The following RRAGD variants were observed in gnomAD, a reference collection of about 807,000 sequenced individuals.
RRAGD encodes ras-related GTP-binding protein D.
RRAGD carries 12 observed loss-of-function variants against 35.5 expected under a neutral mutation model. That is an observed-to-expected ratio of 0.34 (90% CI 0.22 to 0.55). RRAGD has a LOEUF of 0.55. Among genes scored for constraint, RRAGD ranks in the 20% least tolerant of loss-of-function variants. The pLI is 0.91. For missense variants in RRAGD, 324 were observed against 490.1 expected (o/e 0.66, Z 3.20); for synonymous variants, 155 against 178.9 (o/e 0.87, Z 1.07).
chr6:89,399,588 A>T (rs774937435), intron 1 of RRAGD, among the ~76,000 whole-genome samples: 1 of 152,150 alleles, frequency 6.6e-6, no homozygotes. Flanking sequence ...CCTGGGCAAC[A>T]TGGCAAAACC....
In RRAGD at chr6:89,411,998, C is replaced by G; in HGVS notation, c.-5G>C. The stretch of plus-strand genomic sequence containing the variant: ...CTTCCCCAGCACCTGGCTCATCGTG[C>G]CCACCGGCCGGCCGGCCCGGGGACG... On this transcript the variant is annotated 5_prime_UTR_variant, in exon 1 of 7. Coordinates refer to ENST00000369415, the MANE Select transcript of RRAGD (RefSeq NM_021244.5). This position sits in a 1 kb window ranked among gnomAD's most constrained non-coding sequence, Gnocchi z 5.6. 1 of 1,526,118 alleles carries G rather than the reference C, an allele frequency of 6.6e-7. No homozygotes were observed. The highest frequency in any genetic ancestry group is 8.8e-7 in the Non-Finnish European group (1 of 1,141,590). The allele number at this position is 1,526,118 out of a possible 1,614,324, so 94.5% of individuals were successfully genotyped here.
At chr6:89,404,115 G>GT (rs1456151062) in intron 1 of RRAGD, among the ~76,000 whole-genome samples, 1 of 152,132 alleles carries the variant, frequency 6.6e-6, no homozygotes, top group Non-Finnish European at 1.5e-5. Flanking sequence ...CTGCCTTTCT[G>GT]TAAAATTTTA....
chr6:89,372,461 T>C lies in RRAGD; in HGVS notation c.1027A>G (p.Arg343Gly), dbSNP rs1362595714. 11 of 1,613,556 alleles carry C rather than the reference T, an allele frequency of 6.8e-6. No individual in the cohort carries two copies. Among genetic ancestry groups the C allele is most frequent in the African/African-American group, 4.0e-5 (3 of 74,876 alleles). ...TKFLALVCFV[R>G]EESFERKGLI... ...CCTTTTCTTTCAAAGCTTTCCTCTC[T>C]GACAAAGCAAACGAGAGCCAGGAAC... is the stretch of plus-strand genomic sequence containing the variant. Residue 343 changes from arginine to glycine, a missense_variant, in exon 6 of 7, where the codon AGA becomes GGA. Physicochemically the swap from Arg to Gly is moderately radical, Grantham distance 125. Transcript: ENST00000369415.
In RRAGD at chr6:89,412,094, G is replaced by T; in HGVS notation, c.-101C>A. ...CAGCCTATTTCTGAAGCGGAGGTTTGTCTAGAGCTCAGCGGGGCCCGGCGG... is the reference window on the plus strand; with the variant it reads ...CAGCCTATTTCTGAAGCGGAGGTTTTTCTAGAGCTCAGCGGGGCCCGGCGG... On this transcript the variant is annotated 5_prime_UTR_variant, in exon 1 of 7. Coordinates refer to ENST00000369415, the MANE Select transcript of RRAGD (RefSeq NM_021244.5). This position sits in a 1 kb window ranked among gnomAD's most constrained non-coding sequence, Gnocchi z 4.2. The T allele has an allele frequency of 8.3e-7, 1 of 1,208,936 alleles. No homozygotes were observed. The highest frequency in any genetic ancestry group is 1.1e-6 in the Non-Finnish European group (1 of 923,944). 74.9% of individuals were successfully genotyped at this position (1,208,936 alleles called of 1,614,324 possible). A position where few individuals can be genotyped will look rare whatever the true frequency, so the allele number is the denominator to read the frequency against.
intron 6 of RRAGD, among the ~76,000 whole-genome samples, chr6:89,369,528 A>G (rs950237004): frequency 6.6e-6 from 1 of 152,186 alleles, no homozygotes; most frequent in African/African-American, 2.4e-5. Context: ...ATCACAGCTC[A>G]TTGCAGTCTC....
intron 1 of RRAGD, among the ~76,000 whole-genome samples, chr6:89,391,172 G>A (rs767573953): frequency 2.0e-5 from 3 of 151,762 alleles, no homozygotes; most frequent in Non-Finnish European, 4.4e-5. Flanking sequence ...GTTGCTTGAG[G>A]CCAGGAGTTC....
chr6:89,380,073 T>C lies in RRAGD; in HGVS notation c.644+95A>G, dbSNP rs1003638483. ...TGAAACAGGGTAAAAAGAAGGTAAATTACTGCCCATGCCAAGCCAATCATG... is the reference window on the plus strand; with the variant it reads ...TGAAACAGGGTAAAAAGAAGGTAAACTACTGCCCATGCCAAGCCAATCATG... On this transcript the variant is annotated intron_variant, in intron 3 of 6. Coordinates refer to ENST00000369415, the MANE Select transcript of RRAGD (RefSeq NM_021244.5). 55 of 1,067,272 alleles carry C rather than the reference T, an allele frequency of 5.2e-5. No individual in the cohort carries two copies. In the South Asian group the frequency reaches 6.6e-4, roughly 13 times the overall value. The allele number at this position is 1,067,272 out of a possible 1,614,324, so 66.1% of individuals were successfully genotyped here. A position where few individuals can be genotyped will look rare whatever the true frequency, so the allele number is the denominator to read the frequency against.
chr6:89,391,704 G>A (rs1769237936), intron 1 of RRAGD, among the ~76,000 whole-genome samples: 2 of 152,122 alleles, frequency 1.3e-5, no homozygotes, highest in South Asian at 4.1e-4. Flanking sequence ...TGTAATCATA[G>A]CACTTTGGGA....
chr6:89,406,194 G>A (rs1344720495), intron 1 of RRAGD, among the ~76,000 whole-genome samples: 1 of 152,108 alleles, frequency 6.6e-6, no homozygotes, highest in African/African-American at 2.4e-5. Flanking sequence ...AATGATAAGG[G>A]GAGTGCTGGG....
At chr6:89,399,024 G>A (rs572978141) in intron 1 of RRAGD, among the ~76,000 whole-genome samples, 4 of 152,290 alleles carry the variant, frequency 2.6e-5, no homozygotes, top group East Asian at 1.9e-4. Flanking sequence ...AAAACTCCTC[G>A]TTAAATTATG....
chr6:89,397,893 T>A (rs912368219), intron 1 of RRAGD, among the ~76,000 whole-genome samples: 3 of 152,208 alleles, frequency 2.0e-5, no homozygotes, highest in Admixed American at 6.5e-5. Flanking sequence ...ATACCTGTAA[T>A]CCCAGCACTG....
intron 1 of RRAGD, among the ~76,000 whole-genome samples, chr6:89,393,508 G>A (rs1298067363): frequency 6.6e-6 from 1 of 152,230 alleles, no homozygotes; most frequent in Non-Finnish European, 1.5e-5. Context: ...TTGGGCATGA[G>A]AAGGAAGGCA....
chr6:89,403,775 C>T (rs541423923), intron 1 of RRAGD, among the ~76,000 whole-genome samples: 3 of 151,950 alleles, frequency 2.0e-5, no homozygotes, highest in Admixed American at 6.6e-5. Context: ...GCGAGGACTA[C>T]AGGCACACAC....
Position 89,367,394 on chromosome 6 carries a change from A to G in RRAGD, c.*662T>C, listed in dbSNP as rs1012542398. ...TGTGTGTTGAGGTAAACAGCTTCATAAAAACCGTTGAGCAGGGAAGCACAG... is the reference window on the plus strand; with the variant it reads ...TGTGTGTTGAGGTAAACAGCTTCATGAAAACCGTTGAGCAGGGAAGCACAG... On this transcript the variant is annotated 3_prime_UTR_variant, in exon 7 of 7. Transcript: ENST00000369415. 7.2e-5 allele frequency: 11 copies of G among 152,232 alleles called. No homozygotes were observed. Among genetic ancestry groups the G allele is most frequent in the African/African-American group, 2.7e-4 (11 of 41,462 alleles). The allele number at this position is 152,232 out of a possible 1,614,324, so 9.4% of individuals were successfully genotyped here.
At position 89,411,558 on chromosome 6, in the gene RRAGD, A is replaced by C; in HGVS notation, c.148+288T>G. 1 of 410,996 alleles carries C rather than the reference A, an allele frequency of 2.4e-6. No homozygotes were observed. Among genetic ancestry groups the C allele is most frequent in the Non-Finnish European group, 4.4e-6 (1 of 226,126 alleles). The allele number at this position is 410,996 out of a possible 1,614,324, so 25.5% of individuals were successfully genotyped here. On this transcript the variant is annotated intron_variant, in intron 1 of 6. Transcript: ENST00000369415. This position sits in a 1 kb window ranked among gnomAD's most constrained non-coding sequence, Gnocchi z 5.6. ...GCTTGGGGTGAGGGGCGCGGGAGGCACCGGCTCTGAAAGGGGCAGAAGCGC... is the reference window on the plus strand; with the variant it reads ...GCTTGGGGTGAGGGGCGCGGGAGGCCCCGGCTCTGAAAGGGGCAGAAGCGC...
rs754590547 is a variant in RRAGD at position 89,368,072 on chromosome 6, G to C, written c.1187C>G (p.Pro396Arg). The C allele has an allele frequency of 6.2e-7, 1 of 1,612,554 alleles. No homozygotes were observed. Among genetic ancestry groups the C allele is most frequent in the Non-Finnish European group, 8.5e-7 (1 of 1,179,444 alleles). ...AAACCTCACCTACAGCAGCACTCTA[G>C]GGGTCCCATTAGGGGTGGCTCTCTT... ...KKKRATPNGT[P>R]RVLL Residue 396 changes from proline (P) to arginine (R), a missense_variant, in exon 7 of 7, where the codon CCT (proline) becomes CGT (arginine). Coordinates refer to ENST00000369415, the MANE Select transcript of RRAGD (RefSeq NM_021244.5).
chr6:89,368,580 G>T (rs1442814757), intron 6 of RRAGD, among the ~76,000 whole-genome samples: 1 of 152,114 alleles, frequency 6.6e-6, no homozygotes, highest in South Asian at 2.1e-4. Context: ...TCCCCAAAGG[G>T]CATTATTAGA....
In RRAGD at chr6:89,365,547, T is replaced by A. The variant is rs1045221978; in HGVS notation, c.*2509A>T. 1.3e-5 allele frequency: 2 copies of A among 152,220 alleles called. No individual in the cohort carries two copies. The highest frequency in any genetic ancestry group is 2.9e-5 in the Non-Finnish European group (2 of 68,032). 9.4% of individuals were successfully genotyped at this position (152,220 alleles called of 1,614,324 possible). ...ATTTGAAAAACTGAACGCTTAGACATAACTCCTGCATCTTTCTTTAATTAA... is the reference window on the plus strand; with the variant it reads ...ATTTGAAAAACTGAACGCTTAGACAAAACTCCTGCATCTTTCTTTAATTAA... On this transcript the variant is annotated 3_prime_UTR_variant, in exon 7 of 7. Transcript: ENST00000369415.
At chr6:89,374,282 C>T (rs1562444549) in intron 5 of RRAGD, among the ~76,000 whole-genome samples, 1 of 152,176 alleles carries the variant, frequency 6.6e-6, no homozygotes, top group Non-Finnish European at 1.5e-5. Context: ...CTAGATATGG[C>T]TAATTTCAAA....
Sources: allele counts gnomAD v4.1 joint callset (sites outside exome capture counted in the v4.1 genomes callset), GRCh38; gene constraint gnomAD v4.1.1; non-coding constraint Gnocchi (gnomAD v3.1); transcripts MANE v1.5; gene names NCBI Gene and HGNC (gene_info 2026-07-23, HGNC 2026-07-21).